Variants in CDK14 observed in about 807,000 individuals in gnomAD.
The protein encoded by CDK14 is cyclin-dependent kinase 14.
A neutral mutation model predicts 60.7 loss-of-function variants in CDK14; 34 were observed. The observed-to-expected ratio is 0.56, with a 90% CI of 0.43 to 0.75. The LOEUF is 0.75. Ranked by LOEUF, CDK14 falls within the 30% of genes least tolerant of loss-of-function variation. The pLI is 0.00. For missense variants in CDK14, 482 were observed against 564.1 expected, an observed-to-expected ratio of 0.85 and a Z score of 1.47; for synonymous variants, 197 against 203.7, an observed-to-expected ratio of 0.97 and a Z score of 0.28.
intron 14 of CDK14, among the ~76,000 whole-genome samples, chr7:91,156,322 C>T (rs375123718): frequency 1.3e-5 from 2 of 152,140 alleles, no homozygotes; most frequent in African/African-American, 2.4e-5. Context: ...TTTTAAATCT[C>T]TTCATTAAAT....
chr7:91,091,501 T>TTATATA (rs56670195), intron 12 of CDK14, among the ~76,000 whole-genome samples: 15 of 88,986 alleles, frequency 1.7e-4, no homozygotes, highest in East Asian at 4.0e-4. Flanking sequence ...TTTATATATT[T>TTATATA]TATATATATA....
rs527335560 is a variant in CDK14, at chr7:90,709,467, C to A, written c.124-17100C>A. On this transcript the variant is annotated intron_variant, in intron 2 of 14. Transcript: ENST00000380050. ...AGCTGTTTGGCTCCCATTCTGTATTCTTCTGAAGCAGCCCTGCATTGCAAA... is the reference window on the plus strand; with the variant it reads ...AGCTGTTTGGCTCCCATTCTGTATTATTCTGAAGCAGCCCTGCATTGCAAA... 7.8e-5 allele frequency: 124 copies of A among 1,581,676 alleles called. 1 individual carries two copies. The African/African-American group carries it at 8.3e-4, about 11-fold the overall frequency.
chr7:91,199,714 A>G (rs1802657851), intron 14 of CDK14, among the ~76,000 whole-genome samples: 2 of 152,220 alleles, frequency 1.3e-5, no homozygotes, highest in Admixed American at 1.3e-4. Context: ...TTTTTTAATT[A>G]AAATCACCAC....
chr7:90,769,474 C>CT (rs35889990), intron 4 of CDK14, among the ~76,000 whole-genome samples: 18 of 148,304 alleles, frequency 1.2e-4, no homozygotes, highest in Non-Finnish European at 2.4e-4. Flanking sequence ...TCTTTTCTTT[C>CT]TTTTTTTTTT....
intron 10 of CDK14, among the ~76,000 whole-genome samples, chr7:91,008,061 G>T (rs1276122486): frequency 6.9e-6 from 1 of 145,618 alleles, no homozygotes; most frequent in African/African-American, 2.6e-5. Flanking sequence ...GATTAGGATT[G>T]CTCATTCTGG....
At chr7:91,173,512 G>C (rs556725317) in intron 14 of CDK14, among the ~76,000 whole-genome samples, 1 of 152,240 alleles carries the variant, frequency 6.6e-6, no homozygotes, top group African/African-American at 2.4e-5. Context: ...CAACGCAGAA[G>C]ACTGGTGATT....
chr7:91,051,231 C>G (rs1326504206), intron 11 of CDK14, among the ~76,000 whole-genome samples: 1 of 152,178 alleles, frequency 6.6e-6, no homozygotes, highest in East Asian at 1.9e-4. Flanking sequence ...GGATCTGCCC[C>G]TATGACCCAA....
At chr7:90,633,575 T>G (rs1049523960) in intron 2 of CDK14, among the ~76,000 whole-genome samples, 1 of 152,210 alleles carries the variant, frequency 6.6e-6, no homozygotes, top group Non-Finnish European at 1.5e-5. Context: ...TATTTTACGG[T>G]AAGGATAGAC....
chr7:90,651,598 T>C (rs957715808), intron 2 of CDK14, among the ~76,000 whole-genome samples: 6 of 152,136 alleles, frequency 3.9e-5, no homozygotes, highest in Middle Eastern at 3.2e-3. Flanking sequence ...TTCCATTGAG[T>C]GGAACAGTTA....
chr7:91,175,520 A>G (rs1463733532), intron 14 of CDK14, among the ~76,000 whole-genome samples: 3 of 152,188 alleles, frequency 2.0e-5, no homozygotes, highest in African/African-American at 7.2e-5. Flanking sequence ...TGGCAAATTG[A>G]ATAAAGAGTC....
Position 91,017,910 on chromosome 7 carries a change from CAATTTCGGGGA to C in CDK14, c.1042-27986_1042-27976del, listed in dbSNP as rs3842183. Among the ~76,000 whole-genome samples the C allele has an allele frequency of 1.2e-4, 18 of 152,266 alleles. No individual in the cohort carries two copies. In the East Asian group the frequency reaches 3.3e-3, roughly 28 times the overall value. On this transcript the variant is annotated intron_variant, in intron 10 of 14. Transcript: ENST00000380050. The stretch of plus-strand genomic sequence containing the variant: ...AAATGGGCTGCAAACCAGCTTCATC[CAATTTCGGGGA>C]TTGGATGAAACCAAATTAGATCTAC...
Position 91,039,629 on chromosome 7 carries a change from CA to C in CDK14, c.1042-6266del, listed in dbSNP as rs545767504. On this transcript the variant is annotated intron_variant, in intron 10 of 14. Transcript: ENST00000380050. ...AAAATGAATATTTGATTCAAGTATG[CA>C]ATTGGCATTTTTTAAGATTTCCATG... 7.2e-5 allele frequency among the ~76,000 whole-genome samples: 11 copies of C among 152,254 alleles called. No homozygotes were observed. The South Asian group carries it at 2.3e-3, about 32-fold the overall frequency.
At chr7:90,730,661 A>C (rs1317592005) in intron 3 of CDK14, among the ~76,000 whole-genome samples, 2 of 152,026 alleles carry the variant, frequency 1.3e-5, no homozygotes, top group East Asian at 3.9e-4. Context: ...TCTTTTGAGA[A>C]TTGTCTGTTC....
intron 2 of CDK14, among the ~76,000 whole-genome samples, chr7:90,702,072 A>T (rs1446304545): frequency 6.6e-6 from 1 of 152,138 alleles, no homozygotes; most frequent in African/African-American, 2.4e-5. Context: ...CTGTTCCTGG[A>T]TAAGGTGCAG....
intron 8 of CDK14, among the ~76,000 whole-genome samples, chr7:90,926,033 T>C (rs1457605947): frequency 6.6e-6 from 1 of 152,206 alleles, no homozygotes; most frequent in Non-Finnish European, 1.5e-5. Flanking sequence ...GGAAAATAAG[T>C]TAACATTGTG....
chr7:90,636,982 C>G (rs1282416596), intron 2 of CDK14, among the ~76,000 whole-genome samples: 1 of 151,376 alleles, frequency 6.6e-6, no homozygotes, highest in Non-Finnish European at 1.5e-5. Context: ...GTGGTGATAT[C>G]CCCTTTATCA....
intron 2 of CDK14, among the ~76,000 whole-genome samples, chr7:90,662,043 G>T (rs955690483): frequency 6.6e-6 from 1 of 152,142 alleles, no homozygotes; most frequent in African/African-American, 2.4e-5. Flanking sequence ...AGAAAAATTG[G>T]CACGTCCCTC....
intron 14 of CDK14, among the ~76,000 whole-genome samples, chr7:91,182,114 T>TG (rs1584183293): frequency 6.6e-6 from 1 of 152,244 alleles, no homozygotes; most frequent in East Asian, 1.9e-4. Context: ...ACACTGGAAA[T>TG]TATGGCTAAT....
rs1803447873 is a variant in CDK14 at position 90,743,687 on chromosome 7, C to T, written c.370-3994C>T. On this transcript the variant is annotated intron_variant, in intron 3 of 14. Coordinates refer to ENST00000380050, the MANE Select transcript of CDK14 (RefSeq NM_001287135.2). ...ATGTTATTTGGCCTTTACTAGTTTACTAGTTTATTAGACTTCTTGGTGGAT... is the reference window on the plus strand; with the variant it reads ...ATGTTATTTGGCCTTTACTAGTTTATTAGTTTATTAGACTTCTTGGTGGAT... 2.0e-5 allele frequency among the ~76,000 whole-genome samples: 3 copies of T among 151,702 alleles called. No individual in the cohort carries two copies. The South Asian group carries it at 6.3e-4, about 32-fold the overall frequency.
Sources: allele counts gnomAD v4.1 joint callset (sites outside exome capture counted in the v4.1 genomes callset), GRCh38; gene constraint gnomAD v4.1.1; transcripts MANE v1.5; gene names NCBI Gene and HGNC (gene_info 2026-07-23, HGNC 2026-07-21).